FBLN2: variants seen among roughly 807,000 people sequenced by gnomAD.
The protein encoded by FBLN2 is fibulin-2.
In FBLN2, 81 loss-of-function variants were observed where a neutral mutation model predicts 123.7. The observed-to-expected ratio is 0.65, with a 90% confidence interval of 0.55 to 0.79. FBLN2 has a LOEUF of 0.79. FBLN2 is among the 30% of genes least tolerant of loss of function. The pLI is 0.00. For missense variants in FBLN2, 1,603 were observed against 1,681.3 expected, an observed-to-expected ratio of 0.95 and a Z score of 0.81; for synonymous variants, 699 against 701.4, an observed-to-expected ratio of 1.00 and a Z score of 0.05.
chr3:13,608,772 A>G (rs1158247405), intron 3 of FBLN2, among the ~76,000 whole-genome samples: 1 of 152,204 alleles, frequency 6.6e-6, no homozygotes, highest in Non-Finnish European at 1.5e-5. Flanking sequence ...TCCAAATAAG[A>G]AAGATTAAGT....
chr3:13,622,900 G>A (rs1705903460), intron 9 of FBLN2, among the ~76,000 whole-genome samples: 1 of 152,248 alleles, frequency 6.6e-6, no homozygotes, highest in South Asian at 2.1e-4. Flanking sequence ...CATCGGGTTA[G>A]CATTTGGAAA....
intron 13 of FBLN2, 138 bp downstream of exon 13, chr3:13,629,430 G>T: frequency 8.1e-7 from 1 of 1,234,754 alleles, no homozygotes; most frequent in South Asian, 1.6e-5. Flanking sequence ...TCGCCTTCCA[G>T]CTGGCCTCAT....
In FBLN2 at chr3:13,570,166, T is replaced by A. The variant is rs1703882993; in HGVS notation, c.-41-149T>A. 5 of 766,948 alleles carry A rather than the reference T, an allele frequency of 6.5e-6. No homozygotes were observed. The Admixed American group carries it at 1.2e-4, about 19-fold the overall frequency. 47.5% of individuals were successfully genotyped at this position (766,948 alleles called of 1,614,324 possible). The stretch of plus-strand genomic sequence containing the variant: ...CCATGTGTGGCGGAGCCTGTGTGTG[T>A]GTGTGAGGCAGTGCTTAGTGTGCTC... On this transcript the variant is annotated intron_variant, in intron 1 of 17. Transcript: ENST00000404922.
chr3:13,589,712 C>G (rs2124853538), intron 2 of FBLN2, among the ~76,000 whole-genome samples: 1 of 152,298 alleles, frequency 6.6e-6, no homozygotes, highest in East Asian at 1.9e-4. Flanking sequence ...CACACAATTA[C>G]CAATTCCCTA....
At chr3:13,608,290 G>A in intron 3 of FBLN2, 117 bp downstream of exon 3, 2 of 703,800 alleles carry the variant, frequency 2.8e-6, no homozygotes, top group Non-Finnish European at 2.4e-6. Flanking sequence ...CATGCCTCTG[G>A]GGCATGAGGG....
At chr3:13,605,112 G>A (rs527462362) in intron 2 of FBLN2, among the ~76,000 whole-genome samples, 2 of 152,148 alleles carry the variant, frequency 1.3e-5, no homozygotes, top group Non-Finnish European at 2.9e-5. Flanking sequence ...AGGCTCAGAG[G>A]CACTCATCTG....
At chr3:13,589,425 C>G (rs976370836) in intron 2 of FBLN2, among the ~76,000 whole-genome samples, 2 of 152,140 alleles carry the variant, frequency 1.3e-5, no homozygotes, top group Admixed American at 6.5e-5. Context: ...ATCAAGCCCC[C>G]TTTGGTAACT....
chr3:13,574,756 CCAT>C (rs1337478633), intron 2 of FBLN2, among the ~76,000 whole-genome samples: 3 of 152,286 alleles, frequency 2.0e-5, no homozygotes, highest in Non-Finnish European at 4.4e-5. Context: ...AAGGGCTGCT[CCAT>C]CATCTAGATC....
intron 8 of FBLN2, 29 bp downstream of exon 8, chr3:13,619,860 G>A: frequency 6.3e-7 from 1 of 1,574,904 alleles, no homozygotes; most frequent in Non-Finnish European, 8.6e-7. Context: ...CCTCCTACCT[G>A]TGCAAACCTG....
rs967315258 is a variant in FBLN2, at chr3:13,556,441, A to G, written c.-42+7233A>G. On this transcript the variant is annotated intron_variant, in intron 1 of 17. Coordinates refer to ENST00000404922, the MANE Select transcript of FBLN2 (RefSeq NM_001004019.2). ...TAATCCACACATGGGGGCTCCACCC[A>G]TGTAACCTCATCTAAACCTCCTAAT... 2.6e-5 allele frequency among the ~76,000 whole-genome samples: 4 copies of G among 152,146 alleles called. 1 individual carries two copies. In the East Asian group the frequency reaches 5.8e-4, roughly 22 times the overall value.
At chr3:13,596,714 A>G (rs571347873) in intron 2 of FBLN2, among the ~76,000 whole-genome samples, 1 of 151,878 alleles carries the variant, frequency 6.6e-6, no homozygotes, top group African/African-American at 2.4e-5. Context: ...CTAACTCCCT[A>G]TATCCCCACT....
intron 3 of FBLN2, among the ~76,000 whole-genome samples, 176 bp from the exon 4 acceptor site, chr3:13,609,337 T>C (rs1705311165): frequency 1.3e-5 from 2 of 152,152 alleles, no homozygotes; most frequent in South Asian, 4.1e-4. Flanking sequence ...ATCTGCATGG[T>C]TAAGCCAAGA....
intron 8 of FBLN2, among the ~76,000 whole-genome samples, chr3:13,620,224 A>T (rs1369005522): frequency 6.6e-6 from 1 of 152,108 alleles, no homozygotes; most frequent in Non-Finnish European, 1.5e-5. Context: ...GGTGGGCCTG[A>T]GAATTTGTGC....
At position 13,566,888 on chromosome 3, in the gene FBLN2, G is replaced by T. The variant is rs117257944; in HGVS notation, c.-41-3427G>T. ...ACTTATGGGCCAGATAATGCTGGTG[G>T]GCCCCCGACTATGACCTGAGGTATG... On this transcript the variant is annotated intron_variant, in intron 1 of 17. Coordinates refer to ENST00000404922, the MANE Select transcript of FBLN2 (RefSeq NM_001004019.2). 3.9e-4 allele frequency among the ~76,000 whole-genome samples: 60 copies of T among 152,356 alleles called. No homozygotes were observed. The East Asian group carries it at 0.01, about 26-fold the overall frequency.
chr3:13,560,331 C>G (rs1361349162), intron 1 of FBLN2, among the ~76,000 whole-genome samples: 1 of 152,100 alleles, frequency 6.6e-6, no homozygotes, highest in East Asian at 1.9e-4. Flanking sequence ...CATGAGCTCA[C>G]CCTGTTGAAG....
At chr3:13,624,713 C>T (rs1327564692) in intron 9 of FBLN2, among the ~76,000 whole-genome samples, 1 of 152,242 alleles carries the variant, frequency 6.6e-6, no homozygotes, top group Non-Finnish European at 1.5e-5. Context: ...TGGCCAGAGC[C>T]CCCAAGCCTC....
intron 2 of FBLN2, among the ~76,000 whole-genome samples, chr3:13,586,245 C>T (rs568828671): frequency 2.0e-5 from 3 of 152,144 alleles, no homozygotes; most frequent in East Asian, 3.9e-4. Context: ...AGTGCAGTGG[C>T]GTGATCTCAG....
At chr3:13,609,491 TA>T in intron 3 of FBLN2, 21 bp from the exon 4 acceptor site, 5 of 1,526,874 alleles carry the variant, frequency 3.3e-6, no homozygotes, top group Non-Finnish European at 4.4e-6. Flanking sequence ...GACTGGGGGC[TA>T]AGTTACCCCC....
At chr3:13,562,177 G>T (rs2125036590) in intron 1 of FBLN2, among the ~76,000 whole-genome samples, 1 of 152,252 alleles carries the variant, frequency 6.6e-6, no homozygotes, top group Non-Finnish European at 1.5e-5. Context: ...GGCTTTGGCT[G>T]CCAGGAAGCA....
Sources: allele counts gnomAD v4.1 joint callset (sites outside exome capture counted in the v4.1 genomes callset), GRCh38; gene constraint gnomAD v4.1.1; transcripts MANE v1.5; gene names NCBI Gene and HGNC (gene_info 2026-07-23, HGNC 2026-07-21).